The following MED13 variants were observed in gnomAD, a reference collection of about 807,000 sequenced individuals.
MED13 encodes the protein mediator complex subunit 13, also known as mediator of RNA polymerase II transcription subunit 13.
MED13 carries 23 observed loss-of-function variants against 225.2 expected under a neutral mutation model. The ratio of observed to expected loss-of-function variants is 0.10; its 90% CI spans 0.07 to 0.14. MED13 has a LOEUF of 0.14. Ranked by LOEUF, MED13 falls within the 10% of genes least tolerant of loss-of-function variation. The pLI is 1.00. For synonymous variants in MED13, 942 were observed against 889.2 expected, an observed-to-expected ratio of 1.06 and a Z score of -1.06; for missense variants, 2,197 against 2,594.5, an observed-to-expected ratio of 0.85 and a Z score of 3.33.
chr17:62,060,586 C>G (rs1568008944), intron 2 of MED13, among the ~76,000 whole-genome samples: 3 of 140,572 alleles, frequency 2.1e-5, no homozygotes, highest in South Asian at 2.3e-4. Context: ...CCACTGCACT[C>G]AGAGAGCGAG....
intron 8 of MED13, among the ~76,000 whole-genome samples, chr17:62,023,311 C>T (rs184708273): frequency 2.0e-5 from 3 of 152,172 alleles, no homozygotes; most frequent in East Asian, 3.9e-4. Flanking sequence ...TATAGAGAAC[C>T]GGTTATACAA....
intron 28 of MED13, among the ~76,000 whole-genome samples, chr17:61,949,600 T>A (rs1362922797): frequency 6.6e-6 from 1 of 151,492 alleles, no homozygotes; most frequent in Admixed American, 6.6e-5. Flanking sequence ...AGTTTTTTTT[T>A]AACACAGCAA....
chr17:62,052,811 C>T, intron 2 of MED13, 106 bp from the exon 3 acceptor site: 1 of 671,688 alleles, frequency 1.5e-6, no homozygotes, highest in Non-Finnish European at 2.3e-6. Context: ...CACTAGCTTA[C>T]CCCAGAATAT....
intron 3 of MED13, among the ~76,000 whole-genome samples, chr17:62,046,850 T>G (rs534518729): frequency 2.6e-4 from 39 of 151,114 alleles, no homozygotes; most frequent in Non-Finnish European, 4.9e-4. Flanking sequence ...AAAAAAAAAG[T>G]TATAATTTCA....
intron 12 of MED13, 79 bp from the exon 13 acceptor site, chr17:61,985,169 T>A: frequency 8.4e-7 from 1 of 1,185,804 alleles, no homozygotes; most frequent in Non-Finnish European, 1.2e-6. Flanking sequence ...AGATATAACT[T>A]AACAGTAAAG....
chr17:61,948,809 G>A (rs546168000), intron 28 of MED13, among the ~76,000 whole-genome samples: 18 of 151,252 alleles, frequency 1.2e-4, no homozygotes, highest in African/African-American at 3.9e-4. Flanking sequence ...AGTCACGGCC[G>A]GGCGCGGTGG....
In MED13 at chr17:61,995,156, T is replaced by C. The variant is rs2143518674; in HGVS notation, c.2177A>G (p.His726Arg). Reference sequence around the variant, plus strand: ...GTGTACTGTGATTTCTCTTACCTTGTGTTTTTTTCCAGCTTCTCTCTCACT... The same window carrying C: ...GTGTACTGTGATTTCTCTTACCTTGCGTTTTTTTCCAGCTTCTCTCTCACT... ...QNSEREAGKK[H>R]KVEDGTSSVT... The change falls in exon 10 of 30, where the codon CAC becomes CGC. Residue 726 changes from histidine to arginine, a missense_variant. Coordinates refer to ENST00000397786, the MANE Select transcript of MED13 (RefSeq NM_005121.3). The C allele has an allele frequency of 6.2e-7, 1 of 1,611,188 alleles. No homozygotes were observed. Among genetic ancestry groups the C allele is most frequent in the African/African-American group, 1.3e-5 (1 of 74,946 alleles).
intron 4 of MED13, among the ~76,000 whole-genome samples, chr17:62,034,486 C>CAA (rs11291859): frequency 3.1e-5 from 3 of 96,320 alleles, no homozygotes; most frequent in Middle Eastern, 5.1e-3. Flanking sequence ...GACTTCATCT[C>CAA]AAAAAAAAAA....
Position 62,063,070 on chromosome 17 carries a change from A to G in MED13, c.298T>C (p.Ser100Pro), listed in dbSNP as rs2081054174. The change falls in exon 2 of 30, where the codon TCA becomes CCA. Residue 100 changes from serine (S) to proline (P), a missense_variant. Ser to Pro is a moderately conservative substitution (Grantham distance 74). Around this residue, in one of 12 missense-constraint regions of MED13, gnomAD observed 884 missense variants for 918.5 expected, o/e 0.96. Coordinates refer to ENST00000397786, the MANE Select transcript of MED13 (RefSeq NM_005121.3). ...AGAAATGGAAAGTTTCTTTCACCTG[A>G]TAAGTCATGGTGAATAAGGTCAGCA... ...SFADLIHHDLSEEEDGVWENG... is the reference protein window; with the variant it reads ...SFADLIHHDLPEEEDGVWENG... 14 of 1,608,576 alleles carry G rather than the reference A, an allele frequency of 8.7e-6. No individual in the cohort carries two copies. Among genetic ancestry groups the G allele is most frequent in the Admixed American group, 1.7e-5 (1 of 59,902 alleles).
intron 8 of MED13, among the ~76,000 whole-genome samples, chr17:62,017,501 T>C (rs1362661381): frequency 6.6e-6 from 1 of 152,236 alleles, no homozygotes. Context: ...GTATGGTCTA[T>C]GAACCCTCCT....
intron 23 of MED13, among the ~76,000 whole-genome samples, chr17:61,956,727 G>C (rs2079948600): frequency 6.6e-6 from 1 of 152,022 alleles, no homozygotes; most frequent in South Asian, 2.1e-4. Context: ...TTTTAGTAGA[G>C]ACGGGGTTTC....
At chr17:62,023,079 A>G (rs1023708141) in intron 8 of MED13, among the ~76,000 whole-genome samples, 29 of 152,204 alleles carry the variant, frequency 1.9e-4, no homozygotes, top group African/African-American at 7.0e-4. Flanking sequence ...TCTAATTGGC[A>G]ACTAGCCACT....
chr17:61,956,524 T>G (rs780900072), intron 23 of MED13, 43 bp from the exon 24 acceptor site: 24 of 1,559,902 alleles, frequency 1.5e-5, no homozygotes, highest in Non-Finnish European at 1.7e-5. Context: ...TTTCTAAAAT[T>G]TATATGATTT....
chr17:62,002,180 G>A (rs1357897958), intron 9 of MED13, among the ~76,000 whole-genome samples: 1 of 152,112 alleles, frequency 6.6e-6, no homozygotes, highest in Non-Finnish European at 1.5e-5. Flanking sequence ...AAGAATTTAA[G>A]AGGGTTGTTT....
chr17:61,955,303 T>A (rs972241997), intron 26 of MED13, 79 bp downstream of exon 26: 2 of 1,199,772 alleles, frequency 1.7e-6, no homozygotes, highest in Admixed American at 2.9e-5. Context: ...CAAGGTAACA[T>A]TCACACGTTT....
chr17:61,958,530 G>C (rs1262555395), intron 23 of MED13, among the ~76,000 whole-genome samples: 1 of 151,978 alleles, frequency 6.6e-6, no homozygotes, highest in Non-Finnish European at 1.5e-5. Flanking sequence ...GTAGAGACAG[G>C]GTTTCAGCAT....
chr17:62,059,064 T>C (rs1005087842), intron 2 of MED13, among the ~76,000 whole-genome samples: 2 of 152,172 alleles, frequency 1.3e-5, no homozygotes, highest in Non-Finnish European at 2.9e-5. Context: ...AAAGAAAGTC[T>C]GAGAAACTGT....
At chr17:62,002,489 C>CAAA (rs35736875) in intron 9 of MED13, among the ~76,000 whole-genome samples, 46 of 50,614 alleles carry the variant, frequency 9.1e-4, no homozygotes, top group Admixed American at 2.2e-3. Context: ...AACTCCATCT[C>CAAA]AAAAAAAAAA....
chr17:61,956,571 G>C, intron 23 of MED13, 90 bp from the exon 24 acceptor site: 1 of 1,324,642 alleles, frequency 7.5e-7, no homozygotes. Flanking sequence ...GTCTCACTCT[G>C]TCACCCAGGC....
Sources: allele counts gnomAD v4.1 joint callset (sites outside exome capture counted in the v4.1 genomes callset), GRCh38; gene constraint gnomAD v4.1.1; regional missense constraint gnomAD v4.1.1; transcripts MANE v1.5; gene names NCBI Gene and HGNC (gene_info 2026-07-23, HGNC 2026-07-21).